The following SYNRG variants were observed in gnomAD, a reference collection of about 807,000 sequenced individuals.
SYNRG encodes the protein AP1 gamma subunit binding protein 1.
A neutral mutation model predicts 130.9 loss-of-function variants in SYNRG; 37 were observed. The observed-to-expected ratio is 0.28, with a 90% CI of 0.22 to 0.37. SYNRG has a LOEUF of 0.37. Among genes scored for constraint, SYNRG ranks in the 10% least tolerant of loss-of-function variants. The probability of loss-of-function intolerance (pLI) is 1.00; values close to 1 mark genes in which losing one functional copy is unlikely to be tolerated. For missense variants in SYNRG, 1,338 were observed against 1,588.9 expected (o/e 0.84, Z 2.68); for synonymous variants, 539 against 568.1 (o/e 0.95, Z 0.73).
intron 14 of SYNRG, among the ~76,000 whole-genome samples, chr17:37,542,823 T>C (rs568148196): frequency 2.6e-5 from 4 of 152,288 alleles, no homozygotes; most frequent in South Asian, 2.1e-4. Context: ...TAAAAAAAGA[T>C]AGGAGGTTCA....
chr17:37,573,424 A>G (rs2060586753), intron 8 of SYNRG, among the ~76,000 whole-genome samples: 1 of 152,120 alleles, frequency 6.6e-6, no homozygotes, highest in South Asian at 2.1e-4. Flanking sequence ...CAAACAAAAA[A>G]AACCATATTT....
At position 37,584,489 on chromosome 17, in the gene SYNRG, T is replaced by C. The variant is rs1463623966; in HGVS notation, c.589+159A>G. ...CAGTTGTTATCCAGACCAGAGCTCT[T>C]AAGCCACTGTATATTTGAGAACATC... is the stretch of plus-strand genomic sequence containing the variant. On this transcript the variant is annotated intron_variant, in intron 6 of 21. Coordinates refer to ENST00000612223, the MANE Select transcript of SYNRG (RefSeq NM_007247.6). 3 of 553,386 alleles carry C rather than the reference T, an allele frequency of 5.4e-6. No homozygotes were observed. In the East Asian group the frequency reaches 8.4e-5, roughly 15 times the overall value. The allele number at this position is 553,386 out of a possible 1,614,324, so 34.3% of individuals were successfully genotyped here.
At chr17:37,519,257 G>A (rs112176160) in intron 21 of SYNRG, among the ~76,000 whole-genome samples, 186 bp from the exon 22 acceptor site, 72 of 152,298 alleles carry the variant, frequency 4.7e-4, no homozygotes, top group African/African-American at 1.6e-3. Context: ...CTAATTAAAG[G>A]TATAAAATTG....
chr17:37,535,886 C>T (rs936421326), intron 19 of SYNRG, 93 bp downstream of exon 19: 6 of 1,547,948 alleles, frequency 3.9e-6, no homozygotes, highest in Non-Finnish European at 5.3e-6. Flanking sequence ...CACCTCCAGC[C>T]TCTAATAAGT....
rs186706179 is a variant in SYNRG, at chr17:37,555,053, T to C, written c.1664-994A>G. Among the ~76,000 whole-genome samples, 817 of 152,260 alleles carry C rather than the reference T, an allele frequency of 5.4e-3. 6 individuals are homozygous for C. The highest frequency in any genetic ancestry group is 0.02 in the Middle Eastern group (6 of 294). ...TGTTTATTTTTATATTCTGGTTAAA[T>C]AGAGTGGGTACTTATGTACTTCTCA... On this transcript the variant is annotated intron_variant, in intron 13 of 21. Coordinates refer to ENST00000612223, the MANE Select transcript of SYNRG (RefSeq NM_007247.6).
intron 18 of SYNRG, chr17:37,537,250 G>A (rs1250087879): frequency 6.6e-6 from 1 of 152,276 alleles, no homozygotes; most frequent in Non-Finnish European, 1.5e-5. Flanking sequence ...ACTAGATTAG[G>A]TGTTGGGGAC....
intron 17 of SYNRG, 85 bp downstream of exon 17, chr17:37,539,107 C>A: frequency 6.3e-7 from 1 of 1,586,302 alleles, no homozygotes; most frequent in South Asian, 1.2e-5. Flanking sequence ...CTGAAGTTTG[C>A]CTCTGTCAAT....
intron 8 of SYNRG, among the ~76,000 whole-genome samples, chr17:37,573,075 A>G (rs1482754044): frequency 6.6e-6 from 1 of 152,144 alleles, no homozygotes; most frequent in Non-Finnish European, 1.5e-5. Flanking sequence ...TGGGATTATA[A>G]GTATGGATTA....
At chr17:37,538,510 C>T in intron 17 of SYNRG, 90 bp from the exon 18 acceptor site, 1 of 810,210 alleles carries the variant, frequency 1.2e-6, no homozygotes, top group Admixed American at 2.6e-5. Flanking sequence ...ACCGAAAAGC[C>T]AGGAGGTGTC....
chr17:37,571,011 T>C (rs1383328303), intron 9 of SYNRG, 126 bp from the exon 10 acceptor site: 6 of 1,272,862 alleles, frequency 4.7e-6, no homozygotes, highest in Non-Finnish European at 6.4e-6. Flanking sequence ...TCAAAACTCA[T>C]GAATTTGATT....
intron 3 of SYNRG, among the ~76,000 whole-genome samples, chr17:37,590,102 C>T (rs892714127): frequency 2.7e-5 from 4 of 149,764 alleles, no homozygotes; most frequent in South Asian, 4.2e-4. Context: ...GCCCGGGAGG[C>T]GGCAGCTGCA....
chr17:37,598,367 C>T (rs1328053223), intron 2 of SYNRG, among the ~76,000 whole-genome samples: 3 of 152,152 alleles, frequency 2.0e-5, no homozygotes, highest in South Asian at 4.1e-4. Flanking sequence ...CCAAAGAACA[C>T]CAAGTACAAA....
At chr17:37,609,253 G>A (rs2064171914) in intron 1 of SYNRG, 26 bp downstream of exon 1, 3 of 1,415,060 alleles carry the variant, frequency 2.1e-6, no homozygotes, top group Non-Finnish European at 2.7e-6. Context: ...AGGCCAGCGG[G>A]CTCCCGCCCG....
chr17:37,559,204 A>G (rs1300184661), intron 13 of SYNRG, among the ~76,000 whole-genome samples: 1 of 152,238 alleles, frequency 6.6e-6, no homozygotes, highest in Non-Finnish European at 1.5e-5. Context: ...GTAAGACAGT[A>G]CTGTAATACA....
chr17:37,538,285 G>A (rs1382009613), intron 18 of SYNRG, 39 bp downstream of exon 18: 2 of 1,404,204 alleles, frequency 1.4e-6, no homozygotes, highest in East Asian at 2.4e-5. Flanking sequence ...ATAATGCAAA[G>A]GGCCATCATT....
intron 6 of SYNRG, 101 bp downstream of exon 6, chr17:37,584,547 A>T: frequency 1.1e-6 from 1 of 911,622 alleles, no homozygotes; most frequent in Non-Finnish European, 1.8e-6. Flanking sequence ...GAAGAGTTCT[A>T]CATTGACTTT....
At chr17:37,520,304 C>T in intron 20 of SYNRG, 90 bp from the exon 21 acceptor site, 1 of 1,533,434 alleles carries the variant, frequency 6.5e-7, no homozygotes, top group Non-Finnish European at 9.0e-7. Context: ...ACCCTTTTCC[C>T]CTGACCTCCC....
At chr17:37,565,152 T>C (rs1019000442) in intron 11 of SYNRG, among the ~76,000 whole-genome samples, 1 of 151,856 alleles carries the variant, frequency 6.6e-6, no homozygotes, top group African/African-American at 2.4e-5. Flanking sequence ...TAGTCCCAGC[T>C]ACTAGGGAGG....
intron 1 of SYNRG, among the ~76,000 whole-genome samples, chr17:37,601,283 G>T: frequency 6.6e-6 from 1 of 152,142 alleles, no homozygotes; most frequent in Admixed American, 6.5e-5. Flanking sequence ...TGGCCAGGCT[G>T]GTCTCAAACT....
Sources: gnomAD v4.1 joint callset for allele counts (sites outside exome capture counted in the v4.1 genomes callset) on GRCh38, gnomAD v4.1.1 for gene constraint, MANE v1.5 for transcripts, NCBI Gene and HGNC (gene_info 2026-07-23, HGNC 2026-07-21) for gene names.